Variants in ATP2B1 observed in about 807,000 individuals in gnomAD.
ATP2B1 encodes ATPase plasma membrane Ca2+ transporting 1, also known as plasma membrane calcium-transporting ATPase 1.
In ATP2B1, 14 loss-of-function variants were observed where a neutral mutation model predicts 124.2. The ratio of observed to expected loss-of-function variants is 0.11; its 90% CI spans 0.07 to 0.18. The LOEUF is 0.18. ATP2B1 is among the 10% of genes least tolerant of loss of function. The pLI, the probability that ATP2B1 is intolerant of heterozygous loss-of-function variation, is 1.00. For synonymous variants in ATP2B1, 449 were observed against 492.4 expected (o/e 0.91, Z 1.17); for missense variants, 763 against 1,466.1 (o/e 0.52, Z 7.83).
intron 3 of ATP2B1, among the ~76,000 whole-genome samples, chr12:89,639,054 A>G (rs1883114597): frequency 6.6e-6 from 1 of 152,206 alleles, no homozygotes; most frequent in Admixed American, 6.5e-5. Flanking sequence ...GCTATAGCAT[A>G]TATTTTCACA....
At chr12:89,616,009 A>T (rs1878892206) in intron 12 of ATP2B1, among the ~76,000 whole-genome samples, 1 of 152,172 alleles carries the variant, frequency 6.6e-6, no homozygotes, top group African/African-American at 2.4e-5. Flanking sequence ...CTCAATAAAA[A>T]GATGCTATTA....
intron 1 of ATP2B1, among the ~76,000 whole-genome samples, chr12:89,700,922 C>T (rs1891768875): frequency 6.6e-6 from 1 of 152,142 alleles, no homozygotes; most frequent in African/African-American, 2.4e-5. Flanking sequence ...GAGAACAACT[C>T]TTATTTTTTC....
intron 1 of ATP2B1, among the ~76,000 whole-genome samples, chr12:89,695,952 T>G (rs544914487): frequency 2.0e-5 from 3 of 152,290 alleles, no homozygotes; most frequent in African/African-American, 7.2e-5. Flanking sequence ...ACACTACAGT[T>G]TCTATAAGAT....
intron 1 of ATP2B1, among the ~76,000 whole-genome samples, chr12:89,686,437 T>C (rs148695125): frequency 1.3e-5 from 2 of 152,248 alleles, no homozygotes; most frequent in Admixed American, 6.6e-5. Flanking sequence ...TGCTTTTGCG[T>C]ACACTCACTT....
intron 2 of ATP2B1, among the ~76,000 whole-genome samples, chr12:89,648,244 A>C (rs1370447529): frequency 6.6e-6 from 1 of 152,192 alleles, no homozygotes; most frequent in Non-Finnish European, 1.5e-5. Flanking sequence ...AAGTCTGGAA[A>C]CTTCTTAAAG....
chr12:89,616,958 A>T lies in ATP2B1; in HGVS notation c.1911T>A (p.Ile637=). The change falls in exon 12 of 21, where the codon ATT becomes ATA. Residue 637 remains isoleucine, a synonymous_variant. Transcript: ENST00000428670. The part of the protein sequence containing the change: ...RDRDDIVKTV[I]EPMASEGLRT... ...TCAAGCCTTCTGATGCCATCGGTTCAATCACAGTTTTTACAATATCATCAC... is the reference window on the plus strand; with the variant it reads ...TCAAGCCTTCTGATGCCATCGGTTCTATCACAGTTTTTACAATATCATCAC... The T allele has an allele frequency of 6.2e-7, 1 of 1,614,146 alleles. No individual in the cohort carries two copies. Among genetic ancestry groups the T allele is most frequent in the Non-Finnish European group, 8.5e-7 (1 of 1,179,996 alleles).
At chr12:89,616,605 A>T (rs983798075) in intron 12 of ATP2B1, among the ~76,000 whole-genome samples, 197 bp downstream of exon 12, 2 of 152,116 alleles carry the variant, frequency 1.3e-5, no homozygotes, top group African/African-American at 4.8e-5. Context: ...TAGGATCCCA[A>T]AGAGACACTG....
intron 11 of ATP2B1, among the ~76,000 whole-genome samples, chr12:89,617,925 A>C (rs1032210676): frequency 6.6e-5 from 10 of 152,214 alleles, no homozygotes; most frequent in Admixed American, 3.9e-4. Flanking sequence ...TCATCTCTCT[A>C]CTATTAGCTC....
intron 1 of ATP2B1, among the ~76,000 whole-genome samples, chr12:89,678,477 C>A (rs555669719): frequency 9.9e-5 from 15 of 152,196 alleles, no homozygotes; most frequent in African/African-American, 3.6e-4. Context: ...TCTTTGGCTC[C>A]TTGAGTTTTA....
chr12:89,622,916 T>C (rs770525710), intron 9 of ATP2B1, among the ~76,000 whole-genome samples: 3 of 152,168 alleles, frequency 2.0e-5, no homozygotes, highest in Middle Eastern at 3.2e-3. Flanking sequence ...AAAATTAGTA[T>C]CATTAATGAC....
chr12:89,659,739 G>C (rs1298246476), intron 1 of ATP2B1, among the ~76,000 whole-genome samples: 2 of 151,846 alleles, frequency 1.3e-5, no homozygotes, highest in Non-Finnish European at 2.9e-5. Context: ...TGGCTAACAC[G>C]GTGAAACCCC....
At position 89,642,901 on chromosome 12, in the gene ATP2B1, G is replaced by A. The variant is rs537552213; in HGVS notation, c.209-546C>T. Reference sequence around the variant, plus strand: ...ATTACAAATGTGAGCCACCATGCCTGGCCAGAACTGCTTATTTCTGATCGT... The same window carrying A: ...ATTACAAATGTGAGCCACCATGCCTAGCCAGAACTGCTTATTTCTGATCGT... On this transcript the variant is annotated intron_variant, in intron 2 of 20. Coordinates refer to ENST00000428670, the MANE Select transcript of ATP2B1 (RefSeq NM_001366521.1). Among the ~76,000 whole-genome samples, 4 of 152,022 alleles carry A rather than the reference G, an allele frequency of 2.6e-5. No individual in the cohort carries two copies. The South Asian group carries it at 6.2e-4, about 24-fold the overall frequency.
At chr12:89,634,195 T>C (rs1399678517) in intron 5 of ATP2B1, among the ~76,000 whole-genome samples, 2 of 152,122 alleles carry the variant, frequency 1.3e-5, no homozygotes. Flanking sequence ...ATCTTAACCA[T>C]TTGCAAATTC....
chr12:89,617,136 A>T, intron 11 of ATP2B1, 97 bp from the exon 12 acceptor site: 1 of 866,664 alleles, frequency 1.2e-6, no homozygotes, highest in African/African-American at 1.7e-5. Context: ...ATGGGATCTG[A>T]TATCTGGAAT....
Position 89,590,731 on chromosome 12 carries a change from G to A in ATP2B1, c.*253C>T. 2.4e-6 allele frequency: 1 copy of A among 418,918 alleles called. No individual in the cohort carries two copies. The highest frequency in any genetic ancestry group is 4.6e-5 in the East Asian group (1 of 21,914). 26.0% of individuals were successfully genotyped at this position (418,918 alleles called of 1,614,324 possible). Reference sequence around the variant, plus strand: ...AGGACCATGCTTGGGTACTACTGATGATCCACAGGTCACTTACGCTGAGTT... The same window carrying A: ...AGGACCATGCTTGGGTACTACTGATAATCCACAGGTCACTTACGCTGAGTT... On this transcript the variant is annotated 3_prime_UTR_variant, in exon 21 of 21. Coordinates refer to ENST00000428670, the MANE Select transcript of ATP2B1 (RefSeq NM_001366521.1).
In ATP2B1 at chr12:89,642,296, TAA is replaced by T; in HGVS notation, c.266_267del (p.Phe89TyrfsTer4). The T allele has an allele frequency of 6.2e-7, 1 of 1,613,828 alleles. No individual in the cohort carries two copies. Among genetic ancestry groups the T allele is most frequent in the Non-Finnish European group, 8.5e-7 (1 of 1,179,896 alleles). ...ERREAVFGKNFIPPKKPKTFL... is the reference protein window; with the variant it reads ...ERREAVFGKNXIPPKKPKTFL... ...AAGGTTTTTGGCTTTTTAGGAGGTA[TAA>T]AATTCTTTCCAAACACTGCTTCTCT... On this transcript the variant is annotated frameshift_variant, in exon 3 of 21. Transcript: ENST00000428670. LOFTEE classifies it high-confidence loss of function.
At chr12:89,706,142 T>C (rs1318947761) in intron 1 of ATP2B1, among the ~76,000 whole-genome samples, 1 of 152,228 alleles carries the variant, frequency 6.6e-6, no homozygotes, top group Non-Finnish European at 1.5e-5. Context: ...TCTCCATTTA[T>C]TTTTACATGA....
At chr12:89,625,644 A>G (rs572441232) in intron 8 of ATP2B1, among the ~76,000 whole-genome samples, 1 of 152,004 alleles carries the variant, frequency 6.6e-6, no homozygotes, top group East Asian at 1.9e-4. Flanking sequence ...GTGTAAGTCC[A>G]CATATCTGGT....
chr12:89,614,570 G>A (rs1878622835), intron 12 of ATP2B1, among the ~76,000 whole-genome samples: 1 of 152,108 alleles, frequency 6.6e-6, no homozygotes, highest in Non-Finnish European at 1.5e-5. Context: ...GTACAGAGAT[G>A]GTTAGCGACC....
Sources: allele counts gnomAD v4.1 joint callset (sites outside exome capture counted in the v4.1 genomes callset), GRCh38; gene constraint gnomAD v4.1.1; transcripts MANE v1.5; gene names NCBI Gene and HGNC (gene_info 2026-07-23, HGNC 2026-07-21).